The following MYT1L variants were observed in gnomAD, a reference collection of about 807,000 sequenced individuals.
The protein encoded by MYT1L is myelin transcription factor 1-like protein.
In MYT1L, 12 loss-of-function variants were observed where a neutral mutation model predicts 126.7. The observed-to-expected ratio is 0.09, with a 90% CI of 0.06 to 0.15. The LOEUF (loss-of-function observed/expected upper bound fraction) is 0.15. Among genes scored for constraint, MYT1L ranks in the 10% least tolerant of loss-of-function variants. The pLI is 1.00. For synonymous variants in MYT1L, 541 were observed against 604.2 expected (o/e 0.90, Z 1.53); for missense variants, 979 against 1,585.2 (o/e 0.62, Z 6.49).
In MYT1L at chr2:2,116,134, G is replaced by A. The variant is rs143175868; in HGVS notation, c.-304+56738C>T. ...AATGAACACGTTCTGTCCTCATGAGGCCCATGCTGAGGGCTAGGCACAAAA... is the reference window on the plus strand; with the variant it reads ...AATGAACACGTTCTGTCCTCATGAGACCCATGCTGAGGGCTAGGCACAAAA... On this transcript the variant is annotated intron_variant, in intron 3 of 24. Transcript: ENST00000647738. 9.8e-3 allele frequency among the ~76,000 whole-genome samples: 1,493 copies of A among 152,334 alleles called. 18 individuals are homozygous for A. Among genetic ancestry groups the A allele is most frequent in the African/African-American group, 0.033 (1,384 of 41,560 alleles).
chr2:1,958,049 C>T (rs1040774376), intron 8 of MYT1L, among the ~76,000 whole-genome samples: 3 of 152,188 alleles, frequency 2.0e-5, no homozygotes, highest in Non-Finnish European at 2.9e-5. Flanking sequence ...AAAATGCATG[C>T]GTTTTTGCTG....
intron 19 of MYT1L, among the ~76,000 whole-genome samples, chr2:1,845,837 C>A (rs1416529747): frequency 2.6e-5 from 4 of 152,228 alleles, no homozygotes; most frequent in Non-Finnish European, 4.4e-5. Context: ...CTGAATTATT[C>A]ACTGTCAAAT....
At chr2:2,032,038 G>C (rs1482007132) in intron 4 of MYT1L, among the ~76,000 whole-genome samples, 21 of 115,078 alleles carry the variant, frequency 1.8e-4, no homozygotes, top group East Asian at 1.2e-3. Context: ...CACACCCCTC[G>C]CCAGTACCTC....
At chr2:2,227,937 C>A (rs1477374640) in intron 2 of MYT1L, among the ~76,000 whole-genome samples, 1 of 152,190 alleles carries the variant, frequency 6.6e-6, no homozygotes, top group Non-Finnish European at 1.5e-5. Flanking sequence ...TACATATTAG[C>A]TTGTTCAATT....
At position 1,839,371 on chromosome 2, in the gene MYT1L, C is replaced by A; in HGVS notation, c.2859-1G>T. 6.2e-7 allele frequency: 1 copy of A among 1,610,962 alleles called. No homozygotes were observed. The highest frequency in any genetic ancestry group is 8.5e-7 in the Non-Finnish European group (1 of 1,178,116). ...GCCGTCGCACCCGGGGACCGGACAC[C>A]TGTAGGCAGGCAGAGGTGACACACT... On this transcript the variant is annotated splice_acceptor_variant, in intron 20 of 24. Transcript: ENST00000647738. LOFTEE classifies it high-confidence loss of function.
rs116695824 is a variant in MYT1L at position 2,016,776 on chromosome 2, C to T, written c.-157-19429G>A. 5.0e-3 allele frequency among the ~76,000 whole-genome samples: 768 copies of T among 152,356 alleles called. 3 individuals are homozygous for T. The highest frequency in any genetic ancestry group is 8.8e-3 in the Non-Finnish European group (598 of 68,036). ...CATGCATCTGTAATCATCTAGATCA[C>T]GTGAAGACACGAAACCACATAGGAG... On this transcript the variant is annotated intron_variant, in intron 4 of 24. Coordinates refer to ENST00000647738, the MANE Select transcript of MYT1L (RefSeq NM_001303052.2).
chr2:2,272,983 C>T (rs571384141), intron 2 of MYT1L, among the ~76,000 whole-genome samples: 1 of 152,280 alleles, frequency 6.6e-6, no homozygotes, highest in South Asian at 2.1e-4. Flanking sequence ...CCAGCTCCTT[C>T]TCCACCTGCA....
Position 2,133,070 on chromosome 2 carries a change from G to A in MYT1L, c.-304+39802C>T, listed in dbSNP as rs565285979. Among the ~76,000 whole-genome samples, 5 of 152,194 alleles carry A rather than the reference G, an allele frequency of 3.3e-5. 1 individual carries two copies. Among genetic ancestry groups the A allele is most frequent in the African/African-American group, 7.2e-5 (3 of 41,504 alleles). ...TCCTTATGTTCCTCCTGTACACACC[G>A]TCTTCTTTGGGGGGGACGAAGACAC... is the stretch of plus-strand genomic sequence containing the variant. On this transcript the variant is annotated intron_variant, in intron 3 of 24. Coordinates refer to ENST00000647738, the MANE Select transcript of MYT1L (RefSeq NM_001303052.2).
chr2:2,010,604 C>T (rs769273532), intron 4 of MYT1L, among the ~76,000 whole-genome samples: 2 of 152,216 alleles, frequency 1.3e-5, no homozygotes, highest in African/African-American at 2.4e-5. Context: ...ACCCAGTGAT[C>T]GATCCGACGC....
intron 2 of MYT1L, among the ~76,000 whole-genome samples, chr2:2,222,000 C>G (rs917904023): frequency 1.3e-5 from 2 of 152,196 alleles, no homozygotes; most frequent in Non-Finnish European, 2.9e-5. Context: ...ACACCTGCCT[C>G]TGTCAGCTAG....
chr2:2,290,902 A>T (rs1559567338), intron 1 of MYT1L, among the ~76,000 whole-genome samples: 1 of 152,164 alleles, frequency 6.6e-6, no homozygotes, highest in Non-Finnish European at 1.5e-5. Flanking sequence ...CCAGATTTGA[A>T]TTGCTATTCT....
At chr2:1,958,274 C>T (rs1315893473) in intron 8 of MYT1L, among the ~76,000 whole-genome samples, 2 of 152,000 alleles carry the variant, frequency 1.3e-5, no homozygotes, top group Non-Finnish European at 2.9e-5. Flanking sequence ...CAGATGGAAC[C>T]CAGAGAGCCG....
At chr2:1,886,423 G>A (rs568339234) in intron 18 of MYT1L, 116 bp downstream of exon 18, 13 of 682,906 alleles carry the variant, frequency 1.9e-5, no homozygotes, top group Non-Finnish European at 2.7e-5. Context: ...AGGCACTGGG[G>A]TGCACAGGCC....
At chr2:2,300,534 A>T (rs1233865852) in intron 1 of MYT1L, among the ~76,000 whole-genome samples, 2 of 152,228 alleles carry the variant, frequency 1.3e-5, no homozygotes, top group Non-Finnish European at 2.9e-5. Flanking sequence ...GAGGTAATTT[A>T]CATAGTCACA....
At position 1,852,937 on chromosome 2, in the gene MYT1L, C is replaced by T. The variant is rs919369441; in HGVS notation, c.2712-1234G>A. On this transcript the variant is annotated intron_variant, in intron 18 of 24. Transcript: ENST00000647738. The surrounding 1 kb of genome is among the most constrained non-coding windows in gnomAD (Gnocchi z 4.0). ...AGGGTACTGGGGGCTGAGACCAGGA[C>T]GGCAAAGTGCTTGCTTACAGGTGGG... is the stretch of plus-strand genomic sequence containing the variant. 1.2e-4 allele frequency among the ~76,000 whole-genome samples: 19 copies of T among 152,170 alleles called. No homozygotes were observed. The highest frequency in any genetic ancestry group is 1.0e-3 in the Admixed American group (16 of 15,276).
Position 2,274,403 on chromosome 2 carries a change from A to G in MYT1L, c.-421+10001T>C, listed in dbSNP as rs140916111. On this transcript the variant is annotated intron_variant, in intron 2 of 24. Transcript: ENST00000647738. ...GAGAGGACAGTGGGCAGGTGGGTTA[A>G]TGCATTCAAAGCACTCAAATGTCAT... 2.2e-3 allele frequency among the ~76,000 whole-genome samples: 337 copies of G among 152,268 alleles called. 1 individual carries two copies. Among genetic ancestry groups the G allele is most frequent in the Non-Finnish European group, 4.0e-3 (270 of 68,004 alleles).
chr2:2,108,145 C>T (rs2078976218), intron 3 of MYT1L, among the ~76,000 whole-genome samples: 1 of 152,142 alleles, frequency 6.6e-6, no homozygotes. Flanking sequence ...GGTGTCCGTG[C>T]TGTGAACGCC....
At chr2:2,156,885 G>A (rs939012953) in intron 3 of MYT1L, among the ~76,000 whole-genome samples, 1 of 152,188 alleles carries the variant, frequency 6.6e-6, no homozygotes, top group African/African-American at 2.4e-5. Context: ...GGAGACTGAG[G>A]AAAAATATAC....
chr2:2,191,002 C>G (rs549733920), intron 2 of MYT1L, among the ~76,000 whole-genome samples: 1 of 152,196 alleles, frequency 6.6e-6, no homozygotes, highest in East Asian at 1.9e-4. Flanking sequence ...TCAGGCAGGT[C>G]TCAAACTCCC....
Sources: allele counts gnomAD v4.1 joint callset (sites outside exome capture counted in the v4.1 genomes callset), GRCh38; gene constraint gnomAD v4.1.1; non-coding constraint Gnocchi (gnomAD v3.1); transcripts MANE v1.5; gene names NCBI Gene and HGNC (gene_info 2026-07-23, HGNC 2026-07-21).